Variants in PCDHA7 observed in about 807,000 individuals in gnomAD.
PCDHA7 encodes protocadherin alpha-7.
In PCDHA7, 37 loss-of-function variants were observed where a neutral mutation model predicts 57.2. The observed-to-expected ratio is 0.65, with a 90% CI of 0.50 to 0.85. The LOEUF (loss-of-function observed/expected upper bound fraction) is 0.85. PCDHA7 is among the 40% of genes least tolerant of loss of function. PCDHA7 has a pLI of 0.00. For missense variants in PCDHA7, 1,188 were observed against 1,241.8 expected (o/e 0.96, Z 0.65); for synonymous variants, 553 against 558.8 (o/e 0.99, Z 0.15).
chr5:140,994,281 G>T (rs2097610222), intron 3 of PCDHA7, among the ~76,000 whole-genome samples: 1 of 152,144 alleles, frequency 6.6e-6, no homozygotes. Flanking sequence ...CCTTTCTTGA[G>T]ACAGTCCCCA....
rs577022008 is a variant in PCDHA7, at chr5:140,921,827, C to T, written c.2356-57122C>T. Among the ~76,000 whole-genome samples, 6 of 151,924 alleles carry T rather than the reference C, an allele frequency of 3.9e-5. No homozygotes were observed. In the South Asian group the frequency reaches 1.2e-3, roughly 32 times the overall value. On this transcript the variant is annotated intron_variant, in intron 1 of 3. Coordinates refer to ENST00000525929, the MANE Select transcript of PCDHA7 (RefSeq NM_018910.3). Reference sequence around the variant, plus strand: ...TAAGATACATGTGTGAATATCTATACACATATAGACATATTTATAGATGTG... The same window carrying T: ...TAAGATACATGTGTGAATATCTATATACATATAGACATATTTATAGATGTG...
chr5:140,863,171 C>T (rs782749533), intron 1 of PCDHA7: 11 of 696,670 alleles, frequency 1.6e-5, no homozygotes, highest in Non-Finnish European at 2.8e-5. Flanking sequence ...CTGGCGCTGA[C>T]TGCCACCGTC....
chr5:140,852,375 T>A lies in PCDHA7; in HGVS notation c.2355+15637T>A, dbSNP rs2042313801. ...TCACTGCAACGTCTGCCTCCTGGGTTCAAGCAATTCTCCTGCCTCAGCCTC... is the reference window on the plus strand; with the variant it reads ...TCACTGCAACGTCTGCCTCCTGGGTACAAGCAATTCTCCTGCCTCAGCCTC... On this transcript the variant is annotated intron_variant, in intron 1 of 3. Transcript: ENST00000525929. 1.0e-5 allele frequency: 2 copies of A among 192,516 alleles called. 1 individual carries two copies. The highest frequency in any genetic ancestry group is 1.3e-4 in the Admixed American group (2 of 14,898). The allele number at this position is 192,516 out of a possible 1,614,324, so 11.9% of individuals were successfully genotyped here. A position where few individuals can be genotyped will look rare whatever the true frequency, so the allele number is the denominator to read the frequency against.
intron 1 of PCDHA7, among the ~76,000 whole-genome samples, chr5:140,917,330 A>AGGGGGGGGGGG (rs1425400137): frequency 9.7e-6 from 1 of 103,190 alleles, no homozygotes. Flanking sequence ...GTGGCGGGGG[A>AGGGGGGGGGGG]GGGGGGGGAT....
At chr5:140,884,330 G>T in intron 1 of PCDHA7, 2 of 1,613,876 alleles carry the variant, frequency 1.2e-6, no homozygotes, top group Non-Finnish European at 1.7e-6. Context: ...AGGCGCTGTG[G>T]GTCCAGAAGC....
chr5:140,840,189 G>A (rs2150304475), intron 1 of PCDHA7, among the ~76,000 whole-genome samples: 23 of 152,082 alleles, frequency 1.5e-4, no homozygotes, highest in African/African-American at 5.3e-4. Context: ...AATATGGTAG[G>A]CAAAGGAAAA....
At chr5:140,970,252 T>G (rs2096392828) in intron 1 of PCDHA7, among the ~76,000 whole-genome samples, 1 of 152,234 alleles carries the variant, frequency 6.6e-6, no homozygotes, top group South Asian at 2.1e-4. Flanking sequence ...GTTGACAGTT[T>G]CTATGGTTTT....
chr5:140,953,517 A>G (rs1554220954), intron 1 of PCDHA7, among the ~76,000 whole-genome samples: 1 of 152,168 alleles, frequency 6.6e-6, no homozygotes, highest in African/African-American at 2.4e-5. Flanking sequence ...CAAAGCAACA[A>G]AAACGGGAAA....
chr5:140,868,806 G>A (rs374832846), intron 1 of PCDHA7: 20 of 357,070 alleles, frequency 5.6e-5, no homozygotes, highest in African/African-American at 2.7e-4. Context: ...AAATAAGCAC[G>A]TTGGAAATAT....
At chr5:140,890,776 A>G (rs1554184541) in intron 1 of PCDHA7, among the ~76,000 whole-genome samples, 1 of 152,316 alleles carries the variant, frequency 6.6e-6, no homozygotes, top group Non-Finnish European at 1.5e-5. Flanking sequence ...TTAAAACCCC[A>G]TAAGATATTA....
chr5:140,891,409 C>A (rs1295005747), intron 1 of PCDHA7, among the ~76,000 whole-genome samples: 1 of 148,202 alleles, frequency 6.7e-6, no homozygotes. Flanking sequence ...CGCCACCCCC[C>A]ACTCTTGCCC....
intron 1 of PCDHA7, among the ~76,000 whole-genome samples, chr5:140,840,437 GAAATAGAAACGTTAAATAA>G (rs1776700709): frequency 6.6e-6 from 1 of 151,948 alleles, no homozygotes; most frequent in Non-Finnish European, 1.5e-5. Context: ...TAAAGCCGTG[GAAATAGAAACGTTAAATAA>G]AAAGTTGGGG....
chr5:140,850,116 G>A, intron 1 of PCDHA7: 1 of 1,596,102 alleles, frequency 6.3e-7, no homozygotes, highest in Non-Finnish European at 8.6e-7. Context: ...GCGCGACGCG[G>A]GCGTGCCGCC....
At chr5:140,873,725 A>G (rs1235492447) in intron 1 of PCDHA7, among the ~76,000 whole-genome samples, 7 of 152,112 alleles carry the variant, frequency 4.6e-5, no homozygotes, top group Non-Finnish European at 7.4e-5. Context: ...CAGTGGCGCA[A>G]TCTCAGCTCA....
At chr5:140,927,793 C>A in intron 1 of PCDHA7, 1 of 1,614,180 alleles carries the variant, frequency 6.2e-7, no homozygotes, top group Non-Finnish European at 8.5e-7. Context: ...TTCACTAGGT[C>A]CGCCTGAAAC....
At chr5:140,850,194 A>G (rs1581216724) in intron 1 of PCDHA7, 2 of 1,592,988 alleles carry the variant, frequency 1.3e-6, no homozygotes, top group East Asian at 2.3e-5. Context: ...GGCGCTGCTG[A>G]CACCTCGGAT....
intron 1 of PCDHA7, chr5:140,870,262 T>C (rs2051814541): frequency 6.2e-7 from 1 of 1,614,182 alleles, no homozygotes; most frequent in Non-Finnish European, 8.5e-7. Context: ...GGTGACCTGC[T>C]CGCTGACGCC....
intron 1 of PCDHA7, among the ~76,000 whole-genome samples, chr5:140,902,686 A>G (rs1038713623): frequency 2.0e-5 from 3 of 152,090 alleles, no homozygotes; most frequent in Non-Finnish European, 4.4e-5. Context: ...CGTACCTAAT[A>G]TGTGTAGTCT....
intron 1 of PCDHA7, chr5:140,850,857 G>C: frequency 6.3e-7 from 1 of 1,595,010 alleles, no homozygotes; most frequent in Non-Finnish European, 8.6e-7. Flanking sequence ...GCGAACGGGA[G>C]AACCCTCTGC....
Sources: allele counts gnomAD v4.1 joint callset (sites outside exome capture counted in the v4.1 genomes callset), GRCh38; gene constraint gnomAD v4.1.1; transcripts MANE v1.5; gene names NCBI Gene and HGNC (gene_info 2026-07-23, HGNC 2026-07-21).